GALNT7: variants seen among roughly 807,000 people sequenced by gnomAD.
The protein encoded by GALNT7 is polypeptide N-acetylgalactosaminyltransferase 7, also known as N-acetylgalactosaminyltransferase 7.
In GALNT7, 60 loss-of-function variants were observed where a neutral mutation model predicts 82.1. The ratio of observed to expected loss-of-function variants is 0.73; its 90% CI spans 0.59 to 0.91. GALNT7 has a LOEUF of 0.91. Among genes scored for constraint, GALNT7 ranks in the 40% least tolerant of loss-of-function variants. The pLI is 0.00. For synonymous variants in GALNT7, 243 were observed against 275.1 expected (o/e 0.88, Z 1.15); for missense variants, 660 against 804.2 (o/e 0.82, Z 2.17).
intron 1 of GALNT7, among the ~76,000 whole-genome samples, chr4:173,171,242 A>G (rs1254166479): frequency 6.6e-6 from 1 of 152,226 alleles, no homozygotes; most frequent in Admixed American, 6.5e-5. Context: ...GTACAGTGCT[A>G]GAAGGACAAA....
Position 173,313,868 on chromosome 4 carries a change from A to G in GALNT7, c.1390-90A>G, listed in dbSNP as rs1737483382. The G allele has an allele frequency of 6.0e-6, 3 of 500,204 alleles. No homozygotes were observed. In the African/African-American group the frequency reaches 6.0e-5, roughly 10 times the overall value. 31.0% of individuals were successfully genotyped at this position (500,204 alleles called of 1,614,324 possible). ...CTGTTGAAATGAATTTGTTATGTGTAGGCCATTTTCATGTGTCTAATATAG... is the reference window on the plus strand; with the variant it reads ...CTGTTGAAATGAATTTGTTATGTGTGGGCCATTTTCATGTGTCTAATATAG... On this transcript the variant is annotated intron_variant, in intron 8 of 11. Transcript: ENST00000265000.
At chr4:173,307,853 A>G (rs1048982876) in intron 8 of GALNT7, among the ~76,000 whole-genome samples, 1 of 152,186 alleles carries the variant, frequency 6.6e-6, no homozygotes, top group Admixed American at 6.5e-5. Context: ...AGCTTTGCCC[A>G]AAGTAATTCA....
intron 1 of GALNT7, among the ~76,000 whole-genome samples, chr4:173,227,907 T>C (rs1223044678): frequency 6.6e-6 from 1 of 152,172 alleles, no homozygotes; most frequent in African/African-American, 2.4e-5. Flanking sequence ...TTGCTAGCTA[T>C]GCCGTGTGTG....
chr4:173,260,261 T>G (rs1735212206), intron 2 of GALNT7, among the ~76,000 whole-genome samples: 1 of 152,176 alleles, frequency 6.6e-6, no homozygotes, highest in Non-Finnish European at 1.5e-5. Flanking sequence ...GGAAAAAAAT[T>G]TAAGCTTTTA....
At chr4:173,259,218 G>C (rs1465046816) in intron 2 of GALNT7, among the ~76,000 whole-genome samples, 1 of 152,178 alleles carries the variant, frequency 6.6e-6, no homozygotes, top group Non-Finnish European at 1.5e-5. Context: ...TGGATTTATA[G>C]GATTAAGGGG....
intron 1 of GALNT7, among the ~76,000 whole-genome samples, chr4:173,171,210 G>T (rs1004490233): frequency 6.6e-6 from 1 of 152,122 alleles, no homozygotes; most frequent in African/African-American, 2.4e-5. Flanking sequence ...CTTTAATAAA[G>T]ACTAACCTAG....
chr4:173,240,756 T>G (rs1454233484), intron 1 of GALNT7, among the ~76,000 whole-genome samples: 3 of 152,232 alleles, frequency 2.0e-5, no homozygotes, highest in African/African-American at 7.2e-5. Context: ...TTTTATATAC[T>G]AAATTGAAAT....
At chr4:173,212,011 T>A (rs1733298231) in intron 1 of GALNT7, among the ~76,000 whole-genome samples, 1 of 152,194 alleles carries the variant, frequency 6.6e-6, no homozygotes, top group African/African-American at 2.4e-5. Context: ...ACTCTGTAAT[T>A]TAATGGGAGT....
At chr4:173,304,243 T>C in intron 8 of GALNT7, 125 bp downstream of exon 8, 1 of 687,030 alleles carries the variant, frequency 1.5e-6, no homozygotes, top group Non-Finnish European at 2.4e-6. Flanking sequence ...ATTCTCACCT[T>C]TAACTTAGCT....
At chr4:173,198,971 A>T (rs569893055) in intron 1 of GALNT7, among the ~76,000 whole-genome samples, 1 of 152,316 alleles carries the variant, frequency 6.6e-6, no homozygotes, top group South Asian at 2.1e-4. Flanking sequence ...GCCTTGCAAA[A>T]ATCTTGGAGG....
At chr4:173,250,128 TAGA>T (rs1734796036) in intron 2 of GALNT7, among the ~76,000 whole-genome samples, 1 of 152,138 alleles carries the variant, frequency 6.6e-6, no homozygotes, top group Non-Finnish European at 1.5e-5. Flanking sequence ...TGCATTTACC[TAGA>T]AGAATGGCAA....
At chr4:173,180,109 C>T (rs897011100) in intron 1 of GALNT7, among the ~76,000 whole-genome samples, 3 of 151,862 alleles carry the variant, frequency 2.0e-5, no homozygotes, top group African/African-American at 7.3e-5. Context: ...GTGAAAATAG[C>T]ATCATTATAG....
chr4:173,225,600 G>A (rs1252500667), intron 1 of GALNT7, among the ~76,000 whole-genome samples: 2 of 152,146 alleles, frequency 1.3e-5, no homozygotes, highest in Non-Finnish European at 2.9e-5. Flanking sequence ...TTTAATCCTT[G>A]CAGGAACCTT....
At chr4:173,262,252 T>TA (rs1174194840) in intron 2 of GALNT7, among the ~76,000 whole-genome samples, 1 of 152,184 alleles carries the variant, frequency 6.6e-6, no homozygotes, top group Non-Finnish European at 1.5e-5. Context: ...GGTAGTTTTT[T>TA]AAAAAAGTAG....
Position 173,313,974 on chromosome 4 carries a change from TG to T in GALNT7, c.1408del (p.Glu470ArgfsTer29). The T allele has an allele frequency of 6.5e-7, 1 of 1,545,456 alleles. No individual in the cohort carries two copies. Among genetic ancestry groups the T allele is most frequent in the Non-Finnish European group, 8.9e-7 (1 of 1,118,634 alleles). ...TTTTTACAGAATTATGTTAGAGTTG[TG>T]GAGGTTTGGTGGGATGAATATAAAG... Reference protein sequence around the residue: ...SPTLKNYVRVVEVWWDEYKDY... With the variant: ...SPTLKNYVRVXEVWWDEYKDY... On this transcript the variant is annotated frameshift_variant, in exon 9 of 12. Coordinates refer to ENST00000265000, the MANE Select transcript of GALNT7 (RefSeq NM_017423.3). LOFTEE classifies it high-confidence loss of function.
chr4:173,239,018 C>T (rs894338307), intron 1 of GALNT7, among the ~76,000 whole-genome samples: 1 of 152,112 alleles, frequency 6.6e-6, no homozygotes, highest in Admixed American at 6.6e-5. Context: ...AGTATTAACT[C>T]ATGTTTTTCT....
chr4:173,253,644 G>A (rs1373655251), intron 2 of GALNT7, among the ~76,000 whole-genome samples: 7 of 152,056 alleles, frequency 4.6e-5, no homozygotes, highest in African/African-American at 1.7e-4. Flanking sequence ...GAGTGGAAGG[G>A]GAAATCAAAG....
rs1184927482 is a variant in GALNT7 at position 173,321,652 on chromosome 4, A to G, written c.1909A>G (p.Ile637Val). ...DRSEVLHQVF[I>V]SNCDSSKTTQ... is the part of the protein sequence containing the mutation. ...CTCAGAGGTCCTGCATCAAGTATTC[A>G]TCTCCAATTGTGACTCCAGTAAAAC... The change falls in exon 12 of 12, where the codon ATC (isoleucine) becomes GTC (valine). Residue 637 changes from isoleucine to valine, a missense_variant. Transcript: ENST00000265000. 1 of 1,602,026 alleles carries G rather than the reference A, an allele frequency of 6.2e-7. No individual in the cohort carries two copies. The highest frequency in any genetic ancestry group is 1.3e-5 in the African/African-American group (1 of 74,702).
chr4:173,260,592 T>C (rs1735223584), intron 2 of GALNT7, among the ~76,000 whole-genome samples: 1 of 152,230 alleles, frequency 6.6e-6, no homozygotes, highest in Non-Finnish European at 1.5e-5. Context: ...TGTTTTATTT[T>C]GTTTTGTCTT....
Sources: gnomAD v4.1 joint callset for allele counts (sites outside exome capture counted in the v4.1 genomes callset) on GRCh38, gnomAD v4.1.1 for gene constraint, MANE v1.5 for transcripts, NCBI Gene and HGNC (gene_info 2026-07-23, HGNC 2026-07-21) for gene names.